MGAT4C: variants seen among roughly 807,000 people sequenced by gnomAD.
MGAT4C encodes the protein MGAT4 family member C, also known as alpha-1,3-mannosyl-glycoprotein 4-beta-N-acetylglucosaminyltransferase C.
In MGAT4C, 19 loss-of-function variants were observed where a neutral mutation model predicts 40.1. That is an observed-to-expected ratio of 0.47 (90% CI 0.33 to 0.70). The LOEUF (loss-of-function observed/expected upper bound fraction) is 0.70. MGAT4C is among the 30% of genes least tolerant of loss of function. The pLI is 0.02. For missense variants in MGAT4C, 491 were observed against 563.2 expected (o/e 0.87, Z 1.30); for synonymous variants, 181 against 187.1 (o/e 0.97, Z 0.27).
At chr12:86,211,406 C>CAAAAAAAAAAAAAAAAAAAAAAAAAAAAA (rs58874795) in intron 1 of MGAT4C, among the ~76,000 whole-genome samples, 1 of 35,516 alleles carries the variant, frequency 2.8e-5, no homozygotes, top group Non-Finnish European at 4.5e-5. Flanking sequence ...ACTACAAATA[C>CAAAAAAAAAAAAAAAAAAAAAAAAAAAAA]AAAAAAAAAA....
At chr12:86,687,683 T>A (rs1181134032) in intron 2 of MGAT4C, among the ~76,000 whole-genome samples, 1 of 152,212 alleles carries the variant, frequency 6.6e-6, no homozygotes, top group Non-Finnish European at 1.5e-5. Flanking sequence ...CTCATTTGAT[T>A]GCACTGTGGT....
intron 1 of MGAT4C, among the ~76,000 whole-genome samples, chr12:86,834,597 TA>T (rs1952998852): frequency 8.0e-6 from 1 of 125,408 alleles, no homozygotes; most frequent in South Asian, 2.5e-4. Context: ...ACCTACTGTC[TA>T]CTTCCCCCAA....
chr12:86,383,567 A>C (rs898934251), intron 3 of MGAT4C, among the ~76,000 whole-genome samples: 1 of 150,932 alleles, frequency 6.6e-6, no homozygotes, highest in African/African-American at 2.4e-5. Flanking sequence ...AAAAAAAAAA[A>C]AAAAAAAAAC....
chr12:86,808,894 G>A (rs1277702956), intron 1 of MGAT4C, among the ~76,000 whole-genome samples: 1 of 152,022 alleles, frequency 6.6e-6, no homozygotes, highest in African/African-American at 2.4e-5. Flanking sequence ...TGTCGTCTCA[G>A]CCCAAAAGCT....
intron 1 of MGAT4C, among the ~76,000 whole-genome samples, chr12:86,068,799 T>C (rs1894806155): frequency 6.6e-6 from 1 of 152,072 alleles, no homozygotes; most frequent in Non-Finnish European, 1.5e-5. Context: ...TGCTGCCCTG[T>C]CCCCTTTTAC....
chr12:86,618,924 A>G (rs950933140), intron 2 of MGAT4C, among the ~76,000 whole-genome samples: 1 of 152,118 alleles, frequency 6.6e-6, no homozygotes, highest in Non-Finnish European at 1.5e-5. Flanking sequence ...CCAAAATATC[A>G]CATGTACCAC....
At chr12:86,833,133 T>A (rs1034346038) in intron 1 of MGAT4C, among the ~76,000 whole-genome samples, 1 of 151,830 alleles carries the variant, frequency 6.6e-6, no homozygotes, top group African/African-American at 2.4e-5. Context: ...AAACGGAAGT[T>A]TAGAAAATTT....
At chr12:86,525,873 A>G (rs1958871003) in intron 2 of MGAT4C, among the ~76,000 whole-genome samples, 1 of 152,174 alleles carries the variant, frequency 6.6e-6, no homozygotes, top group Non-Finnish European at 1.5e-5. Flanking sequence ...TCTGATGGGT[A>G]GTGTCAGCCA....
chr12:86,076,424 C>G (rs939968995), intron 1 of MGAT4C, among the ~76,000 whole-genome samples: 3 of 152,206 alleles, frequency 2.0e-5, no homozygotes, highest in Non-Finnish European at 4.4e-5. Flanking sequence ...CTGTCTGTTA[C>G]CCAGTTCCAA....
chr12:86,732,572 T>C (rs1950927770), intron 1 of MGAT4C, among the ~76,000 whole-genome samples: 1 of 152,210 alleles, frequency 6.6e-6, no homozygotes, highest in South Asian at 2.1e-4. Context: ...CCCTTGCATG[T>C]GCAGTTCACT....
chr12:86,472,729 T>C (rs1249389885), intron 2 of MGAT4C, among the ~76,000 whole-genome samples: 1 of 152,156 alleles, frequency 6.6e-6, no homozygotes, highest in East Asian at 1.9e-4. Context: ...TCAAGTTTTG[T>C]ATTAGAAGCA....
intron 4 of MGAT4C, among the ~76,000 whole-genome samples, chr12:86,270,185 G>C (rs1420255842): frequency 6.6e-6 from 1 of 152,070 alleles, no homozygotes; most frequent in African/African-American, 2.4e-5. Flanking sequence ...TCCGGCCTCA[G>C]CCTCCCAAGT....
chr12:86,425,269 T>A (rs533889856), intron 3 of MGAT4C, among the ~76,000 whole-genome samples: 1 of 152,160 alleles, frequency 6.6e-6, no homozygotes, highest in Non-Finnish European at 1.5e-5. Context: ...GTAGGTAATC[T>A]CCACGAGTTG....
In MGAT4C at chr12:86,216,496, T is replaced by C. The variant is rs185275860; in HGVS notation, c.-57+39743A>G. ...ATCTAGAAGTTTTTTAAGAAATTAG[T>C]GGGTTATGTAGTATTGTCCTTGGCA... On this transcript the variant is annotated intron_variant, in intron 1 of 4. Coordinates refer to ENST00000611864, the MANE Select transcript of MGAT4C (RefSeq NM_001351288.2). 3.9e-5 allele frequency among the ~76,000 whole-genome samples: 6 copies of C among 152,312 alleles called. No individual in the cohort carries two copies. In the East Asian group the frequency reaches 9.6e-4, roughly 24 times the overall value.
chr12:86,730,654 CCTG>C (rs1423511467), intron 1 of MGAT4C, among the ~76,000 whole-genome samples: 1 of 151,986 alleles, frequency 6.6e-6, no homozygotes, highest in African/African-American at 2.4e-5. Flanking sequence ...TCAAGGATCT[CCTG>C]CTATTGCAGA....
intron 1 of MGAT4C, among the ~76,000 whole-genome samples, chr12:86,055,195 G>C (rs891029920): frequency 1.3e-5 from 2 of 151,936 alleles, no homozygotes; most frequent in African/African-American, 4.8e-5. Context: ...ACAAGGCTTG[G>C]GGTAAGAGTG....
chr12:86,779,088 G>A (rs1313124313), intron 1 of MGAT4C, among the ~76,000 whole-genome samples: 1 of 151,626 alleles, frequency 6.6e-6, no homozygotes, highest in Non-Finnish European at 1.5e-5. Context: ...CGCACAGCTG[G>A]TAAGCAGCTT....
chr12:86,165,517 G>T, intron 1 of MGAT4C, among the ~76,000 whole-genome samples: 1 of 152,042 alleles, frequency 6.6e-6, no homozygotes, highest in Non-Finnish European at 1.5e-5. Context: ...GTTCACAAAG[G>T]AAACTGTTTA....
chr12:85,998,669 C>T (rs890772171), intron 2 of MGAT4C, among the ~76,000 whole-genome samples: 5 of 152,168 alleles, frequency 3.3e-5, no homozygotes, highest in African/African-American at 1.2e-4. Context: ...ACAAGAGTCA[C>T]TTTTGCTCCA....
Sources: gnomAD v4.1 joint callset for allele counts (sites outside exome capture counted in the v4.1 genomes callset) on GRCh38, gnomAD v4.1.1 for gene constraint, MANE v1.5 for transcripts, NCBI Gene and HGNC (gene_info 2026-07-23, HGNC 2026-07-21) for gene names.